The following PTBP1 variants were observed in gnomAD, a reference collection of about 807,000 sequenced individuals.
PTBP1 encodes polypyrimidine tract-binding protein 1.
Under a neutral mutation model 59.8 loss-of-function variants are expected in PTBP1, and 8 were observed. The observed-to-expected ratio is 0.13, with a 90% CI of 0.08 to 0.24. PTBP1 has a LOEUF of 0.24. Among genes scored for constraint, PTBP1 ranks in the 10% least tolerant of loss-of-function variants. The probability of loss-of-function intolerance (pLI) is 1.00; values close to 1 mark genes in which losing one functional copy is unlikely to be tolerated. For synonymous variants in PTBP1, 490 were observed against 320.7 expected (o/e 1.53, Z -5.64); for missense variants, 686 against 767.0 (o/e 0.89, Z 1.25).
intron 1 of PTBP1, among the ~76,000 whole-genome samples, chr19:798,712 G>C (rs147013294): frequency 8.1e-4 from 124 of 152,356 alleles, no homozygotes; most frequent in African/African-American, 2.9e-3. Flanking sequence ...CAGTGGCCGG[G>C]AGAAGCCGTG....
At chr19:806,381 C>T (rs186253150) in intron 9 of PTBP1, 27 bp from the exon 10 acceptor site, 11 of 1,583,616 alleles carry the variant, frequency 6.9e-6, no homozygotes, top group Non-Finnish European at 8.6e-6. Flanking sequence ...GGGGCGCCGC[C>T]GCTCATCTCA....
intron 2 of PTBP1, among the ~76,000 whole-genome samples, chr19:801,965 T>C (rs945630351): frequency 6.6e-5 from 10 of 152,222 alleles, no homozygotes; most frequent in African/African-American, 2.4e-4. Context: ...GCCGTGACAC[T>C]GGACACTGTT....
At chr19:805,444 C>T (rs776768099) in intron 8 of PTBP1, 48 bp from the exon 9 acceptor site, 16 of 1,546,462 alleles carry the variant, frequency 1.0e-5, no homozygotes, top group Middle Eastern at 1.7e-4. Flanking sequence ...AGCGCCCGCT[C>T]GCGGTGGAGG....
rs963395746 is a variant in PTBP1 at position 810,469 on chromosome 19, G to A, written c.1464-74G>A. 20 of 1,329,630 alleles carry A rather than the reference G, an allele frequency of 1.5e-5. 1 individual carries two copies. In the East Asian group the frequency reaches 2.6e-4, roughly 17 times the overall value. 82.4% of individuals were successfully genotyped at this position (1,329,630 alleles called of 1,614,324 possible). ...CCGGCTACTCTGAAAACTAGTCTGG[G>A]GAAAGCCTCGCGGACCTGACTGGGC... On this transcript the variant is annotated intron_variant, in intron 13 of 14. Coordinates refer to ENST00000356948, the MANE Select transcript of PTBP1 (RefSeq NM_002819.5).
intron 10 of PTBP1, chr19:806,813 A>G: frequency 2.5e-6 from 1 of 399,430 alleles, no homozygotes; most frequent in Non-Finnish European, 4.4e-6. Flanking sequence ...ACCCAAAGGC[A>G]ATCTAAAAAT....
chr19:804,559 A>G lies in PTBP1; in HGVS notation c.463A>G (p.Asn155Asp). Residue 155 changes from asparagine to aspartate, a missense_variant, in exon 6 of 15, where the codon AAC (asparagine) becomes GAC (aspartate). By Grantham distance (23) the Asn-to-Asp change is conservative. Transcript: ENST00000356948. ...ARAQAALQAV[N>D]SVQSGNLALA... ...GGCCCAGGCGGCCCTGCAGGCGGTGAACTCGGTCCAGTCGGGGAACCTGGC... is the reference window on the plus strand; with the variant it reads ...GGCCCAGGCGGCCCTGCAGGCGGTGGACTCGGTCCAGTCGGGGAACCTGGC... 1.2e-6 allele frequency: 2 copies of G among 1,607,512 alleles called. No individual in the cohort carries two copies. Among genetic ancestry groups the G allele is most frequent in the Non-Finnish European group, 1.7e-6 (2 of 1,178,498 alleles).
intron 8 of PTBP1, 121 bp downstream of exon 8, chr19:805,308 C>T (rs919655037): frequency 1.3e-4 from 165 of 1,280,212 alleles, no homozygotes; most frequent in Admixed American, 8.3e-4. Flanking sequence ...GCTCTCTGCA[C>T]GGCCAGCACA....
intron 2 of PTBP1, among the ~76,000 whole-genome samples, chr19:802,129 T>G (rs2034361359): frequency 6.6e-6 from 1 of 152,138 alleles, no homozygotes; most frequent in African/African-American, 2.4e-5. Flanking sequence ...GGTGGGAGAC[T>G]CAGGGCTGCA....
At chr19:804,263 G>A in intron 4 of PTBP1, 29 bp from the exon 5 acceptor site, 1 of 1,612,310 alleles carries the variant, frequency 6.2e-7, no homozygotes, top group Non-Finnish European at 8.5e-7. Context: ...GGGACGAGGA[G>A]GGCCCAGCGC....
intron 2 of PTBP1, among the ~76,000 whole-genome samples, chr19:801,601 G>A (rs2034336598): frequency 1.3e-5 from 2 of 152,280 alleles, no homozygotes; most frequent in Admixed American, 6.5e-5. Context: ...CCAGCTTGGG[G>A]GAGGACCAGC....
intron 1 of PTBP1, among the ~76,000 whole-genome samples, chr19:797,978 G>A (rs1421619331): frequency 6.7e-6 from 1 of 149,696 alleles, no homozygotes; most frequent in African/African-American, 2.4e-5. Flanking sequence ...CTTTCCCGCC[G>A]CCCGGACTCT....
intron 9 of PTBP1, chr19:806,180 A>G (rs1280969563): frequency 1.7e-5 from 8 of 469,272 alleles, no homozygotes; most frequent in Non-Finnish European, 2.6e-5. Context: ...AGATGAGCCC[A>G]GGCCCGGCCC....
chr19:800,107 T>G (rs1268122436), intron 2 of PTBP1, among the ~76,000 whole-genome samples: 1 of 151,008 alleles, frequency 6.6e-6, no homozygotes, highest in African/African-American at 2.4e-5. Flanking sequence ...TTGTATTTTT[T>G]TTTTTTTTTT....
rs2034710809 is a variant in PTBP1, at chr19:808,865, A to C, written c.1463+103A>C. On this transcript the variant is annotated intron_variant, in intron 13 of 14. Coordinates refer to ENST00000356948, the MANE Select transcript of PTBP1 (RefSeq NM_002819.5). This position sits in a 1 kb window ranked among gnomAD's most constrained non-coding sequence, Gnocchi z 4.7. Reference sequence around the variant, plus strand: ...TGGACTTCTGGCGTTTCCAGAGTGCAGGTCGGGCACCTCTTACCCCAAACC... The same window carrying C: ...TGGACTTCTGGCGTTTCCAGAGTGCCGGTCGGGCACCTCTTACCCCAAACC... The C allele has an allele frequency of 8.7e-7, 1 of 1,147,292 alleles. No homozygotes were observed. The highest frequency in any genetic ancestry group is 2.6e-5 in the East Asian group (1 of 38,984). The allele number at this position is 1,147,292 out of a possible 1,614,324, so 71.1% of individuals were successfully genotyped here. A position where few individuals can be genotyped will look rare whatever the true frequency, so the allele number is the denominator to read the frequency against.
intron 2 of PTBP1, among the ~76,000 whole-genome samples, chr19:801,210 C>T (rs1052232467): frequency 2.6e-5 from 4 of 152,158 alleles, no homozygotes; most frequent in African/African-American, 9.7e-5. Context: ...GGACAGGTGC[C>T]CTGAAGGGAC....
chr19:798,273 C>T (rs973860578), intron 1 of PTBP1, among the ~76,000 whole-genome samples: 65 of 151,740 alleles, frequency 4.3e-4, no homozygotes, highest in African/African-American at 1.5e-3. Context: ...GCAGCCTTTC[C>T]GGGCGGCTTT....
At position 804,103 on chromosome 19, in the gene PTBP1, C is replaced by G; in HGVS notation, c.183C>G (p.Ile61Met). 1 of 1,614,010 alleles carries G rather than the reference C, an allele frequency of 6.2e-7. No homozygotes were observed. The highest frequency in any genetic ancestry group is 8.5e-7 in the Non-Finnish European group (1 of 1,179,974). The change falls in exon 4 of 15, where the codon ATC becomes ATG. Residue 61 changes from isoleucine to methionine, a missense_variant. By Grantham distance (10) the Ile-to-Met change is conservative (BLOSUM62 1). Transcript: ENST00000356948. ...GTGCAGGCGTCCCCTCTAGAGTGATCCACATCCGGAAGCTCCCCATCGACG... is the reference window on the plus strand; with the variant it reads ...GTGCAGGCGTCCCCTCTAGAGTGATGCACATCCGGAAGCTCCCCATCGACG... ...SRSAGVPSRV[I>M]HIRKLPIDVT...
rs199871977 is a variant in PTBP1 at position 804,624 on chromosome 19, G to A, written c.528G>A (p.Ala176=). 40 of 1,612,726 alleles carry A rather than the reference G, an allele frequency of 2.5e-5. No individual in the cohort carries two copies. The East Asian group carries it at 3.8e-4, about 15-fold the overall frequency. Residue 176 remains alanine (A), a synonymous_variant, in exon 6 of 15, where the codon GCG becomes GCA. Coordinates refer to ENST00000356948, the MANE Select transcript of PTBP1 (RefSeq NM_002819.5). ...CGGCGGCCGTGGACGCAGGGATGGC[G>A]ATGGCCGGGCAGAGCCCCGTGCTCA... is the stretch of plus-strand genomic sequence containing the variant. The part of the protein sequence containing the change: ...ASAAAVDAGM[A]MAGQSPVLRI...
At chr19:806,233 G>T (rs1219211323) in intron 9 of PTBP1, 175 bp from the exon 10 acceptor site, 1 of 610,714 alleles carries the variant, frequency 1.6e-6, no homozygotes. Flanking sequence ...GCAGGAGCCG[G>T]CGGGTGGCTG....
Sources: allele counts gnomAD v4.1 joint callset (sites outside exome capture counted in the v4.1 genomes callset), GRCh38; gene constraint gnomAD v4.1.1; non-coding constraint Gnocchi (gnomAD v3.1); transcripts MANE v1.5; gene names NCBI Gene and HGNC (gene_info 2026-07-23, HGNC 2026-07-21).